The following HIVEP3 variants were observed in gnomAD, a reference collection of about 807,000 sequenced individuals.
The protein encoded by HIVEP3 is HIVEP zinc finger 3, also known as transcription factor HIVEP3.
HIVEP3 carries 49 observed loss-of-function variants against 152.8 expected under a neutral mutation model. The ratio of observed to expected loss-of-function variants is 0.32; its 90% confidence interval spans 0.26 to 0.41. HIVEP3 has a LOEUF of 0.41. Among genes scored for constraint, HIVEP3 ranks in the 10% least tolerant of loss-of-function variants. The pLI is 1.00. For missense variants in HIVEP3, 2,790 were observed against 3,103.3 expected (o/e 0.90, Z 2.40); for synonymous variants, 1,269 against 1,289.0 (o/e 0.98, Z 0.33).
intron 2 of HIVEP3, among the ~76,000 whole-genome samples, chr1:41,668,696 G>A (rs142570481): frequency 2.0e-5 from 3 of 152,084 alleles, no homozygotes; most frequent in East Asian, 1.9e-4. Context: ...TAGTGAACTC[G>A]TCCTATAAGC....
chr1:41,738,927 T>C (rs2124201721), intron 1 of HIVEP3, among the ~76,000 whole-genome samples: 1 of 152,350 alleles, frequency 6.6e-6, no homozygotes, highest in Admixed American at 6.5e-5. Context: ...TTTTCTCCGT[T>C]GGTAATGAAC....
At chr1:41,735,110 A>G (rs918029728) in intron 1 of HIVEP3, among the ~76,000 whole-genome samples, 2 of 152,228 alleles carry the variant, frequency 1.3e-5, no homozygotes, top group Non-Finnish European at 2.9e-5. Flanking sequence ...CCCTTTGCAG[A>G]AGGCACTATA....
At chr1:41,869,840 T>C (rs1310153184) in intron 1 of HIVEP3, among the ~76,000 whole-genome samples, 1 of 152,086 alleles carries the variant, frequency 6.6e-6, no homozygotes, top group South Asian at 2.1e-4. Flanking sequence ...ATAAAGAAAA[T>C]TTTTGTAGAA....
chr1:41,725,231 G>T (rs1055050405), intron 1 of HIVEP3, among the ~76,000 whole-genome samples: 2 of 152,174 alleles, frequency 1.3e-5, no homozygotes, highest in Non-Finnish European at 2.9e-5. Context: ...AATCAAGAAC[G>T]CTTCGGGACA....
chr1:41,561,964 T>C (rs1333249176), intron 5 of HIVEP3, among the ~76,000 whole-genome samples: 1 of 151,908 alleles, frequency 6.6e-6, no homozygotes, highest in Non-Finnish European at 1.5e-5. Context: ...CACCTTAGCC[T>C]GAAGAAAATC....
intron 1 of HIVEP3, among the ~76,000 whole-genome samples, chr1:41,825,900 G>A (rs576250515): frequency 6.6e-6 from 1 of 152,138 alleles, no homozygotes; most frequent in Non-Finnish European, 1.5e-5. Context: ...GAGCCACTGC[G>A]TCTGGGGAGT....
Position 41,582,711 on chromosome 1 carries a change from G to C in HIVEP3, c.2087C>G (p.Ser696Cys). ...TCCCAGTTTGTAATGCATCATTTGG[G>C]ACCACGGCTCATGCTCAATCTGACT... ...EKSQIEHEPW[S>C]QMMHYKLGTT... The change falls in exon 4 of 9, where the codon TCC becomes TGC. Residue 696 changes from serine to cysteine, a missense_variant. Ser to Cys is a moderately radical substitution (Grantham distance 112). Transcript: ENST00000372583. The surrounding 1 kb of genome is among the most constrained non-coding windows in gnomAD (Gnocchi z 4.7). 2.5e-6 allele frequency: 4 copies of C among 1,614,150 alleles called. No individual in the cohort carries two copies. The highest frequency in any genetic ancestry group is 3.4e-6 in the Non-Finnish European group (4 of 1,180,008).
intron 1 of HIVEP3, among the ~76,000 whole-genome samples, chr1:41,711,864 G>A (rs1646518664): frequency 6.6e-6 from 1 of 152,162 alleles, no homozygotes; most frequent in African/African-American, 2.4e-5. Context: ...GGCTATTCTG[G>A]GGTTTTAATT....
chr1:41,622,585 C>A (rs954163720), intron 3 of HIVEP3, among the ~76,000 whole-genome samples: 2 of 152,306 alleles, frequency 1.3e-5, no homozygotes, highest in African/African-American at 4.8e-5. Context: ...GCTGCAATGA[C>A]AAAGTCAAGA....
At chr1:41,740,130 CCCA>C (rs1646975300) in intron 1 of HIVEP3, among the ~76,000 whole-genome samples, 1 of 152,252 alleles carries the variant, frequency 6.6e-6, no homozygotes, top group Admixed American at 6.5e-5. Flanking sequence ...ACTCAACCTA[CCCA>C]TCCACATTGC....
intron 5 of HIVEP3, among the ~76,000 whole-genome samples, chr1:41,558,223 T>G (rs1348368156): frequency 2.0e-5 from 3 of 152,182 alleles, no homozygotes; most frequent in Non-Finnish European, 2.9e-5. Context: ...TTGGGAACAT[T>G]GGAGCATGCC....
intron 1 of HIVEP3, among the ~76,000 whole-genome samples, chr1:41,907,350 T>G (rs533645820): frequency 8.5e-5 from 13 of 152,258 alleles, no homozygotes; most frequent in Middle Eastern, 6.8e-3. Flanking sequence ...AATGCCCTAC[T>G]ACTCTGCGGT....
chr1:41,732,356 G>T (rs1230343148), intron 1 of HIVEP3, among the ~76,000 whole-genome samples: 2 of 152,170 alleles, frequency 1.3e-5, no homozygotes, highest in African/African-American at 2.4e-5. Context: ...GCTGGGAAAT[G>T]ATGGAGCCAG....
chr1:41,828,432 T>C (rs529646278), intron 1 of HIVEP3, among the ~76,000 whole-genome samples: 136 of 152,376 alleles, frequency 8.9e-4, no homozygotes, highest in African/African-American at 3.2e-3. Flanking sequence ...GCTACTTCAG[T>C]TGATAAACTT....
At position 42,012,449 on chromosome 1, in the gene HIVEP3, TGGGG is replaced by T. The variant is rs551629412; in HGVS notation, n.119+23354_119+23357del. On this transcript the variant is annotated intron_variant and non_coding_transcript_variant, in intron 1 of 3. Transcript: ENST00000489103. ...CCCTTATAAGAGGAAGAGCATTTTG[TGGGG>T]GCCTAGGTGGGCGGATCATTTGAGG... 2.4e-3 allele frequency among the ~76,000 whole-genome samples: 368 copies of T among 152,220 alleles called. 1 individual carries two copies. The highest frequency in any genetic ancestry group is 8.4e-3 in the African/African-American group (348 of 41,540).
intron 5 of HIVEP3, among the ~76,000 whole-genome samples, chr1:41,527,229 CTCA>C (rs1642995081): frequency 7.7e-6 from 1 of 130,294 alleles, no homozygotes; most frequent in Non-Finnish European, 1.6e-5. Context: ...CACACTCACC[CTCA>C]CACACTCACC....
intron 1 of HIVEP3, among the ~76,000 whole-genome samples, chr1:41,950,881 A>G (rs994696420): frequency 6.6e-5 from 10 of 152,242 alleles, no homozygotes; most frequent in South Asian, 2.1e-4. Flanking sequence ...ATTGGTCCAT[A>G]TAAGTAAAAA....
chr1:42,003,110 CTG>C (rs1357277893), intron 1 of HIVEP3, among the ~76,000 whole-genome samples: 1 of 151,810 alleles, frequency 6.6e-6, no homozygotes, highest in Non-Finnish European at 1.5e-5. Context: ...AAGTCTTGCT[CTG>C]TTGCCCAGGC....
chr1:41,686,274 A>G (rs1646114847), intron 2 of HIVEP3, among the ~76,000 whole-genome samples: 1 of 152,026 alleles, frequency 6.6e-6, no homozygotes, highest in African/African-American at 2.4e-5. Flanking sequence ...GGGTTTCACC[A>G]TGTTGGCCAG....
Sources: allele counts gnomAD v4.1 joint callset (sites outside exome capture counted in the v4.1 genomes callset), GRCh38; gene constraint gnomAD v4.1.1; non-coding constraint Gnocchi (gnomAD v3.1); transcripts MANE v1.5; gene names NCBI Gene and HGNC (gene_info 2026-07-23, HGNC 2026-07-21).